SSC5D: variants seen among roughly 807,000 people sequenced by gnomAD.
The protein encoded by SSC5D is scavenger receptor cysteine rich family member with 5 domains, also known as soluble scavenger receptor cysteine-rich domain-containing protein SSC5D.
In SSC5D, 106 loss-of-function variants were observed where a neutral mutation model predicts 104.6. The observed-to-expected ratio is 1.01, with a 90% CI of 0.87 to 1.19. SSC5D has a LOEUF of 1.19. Ranked by LOEUF, SSC5D falls within the 50% of genes most tolerant of loss-of-function variation. The pLI is 0.00. For synonymous variants in SSC5D, 860 were observed against 883.5 expected, an observed-to-expected ratio of 0.97 and a Z score of 0.47; for missense variants, 1,993 against 2,153.8, an observed-to-expected ratio of 0.93 and a Z score of 1.48.
At chr19:55,497,462 A>G (rs1387586799) in intron 8 of SSC5D, among the ~76,000 whole-genome samples, 2 of 152,266 alleles carry the variant, frequency 1.3e-5, no homozygotes, top group Non-Finnish European at 2.9e-5. Context: ...AACCAGTTTA[A>G]GTATACAACT....
At chr19:55,501,913 C>A (rs1005587922) in intron 12 of SSC5D, among the ~76,000 whole-genome samples, 8 of 152,140 alleles carry the variant, frequency 5.3e-5, no homozygotes, top group East Asian at 1.9e-4. Context: ...TTATCCATTT[C>A]TCACCCTCAT....
Position 55,517,359 on chromosome 19 carries a change from G to T in SSC5D, c.3083G>T (p.Arg1028Leu), listed in dbSNP as rs1987895753. The change falls in exon 14 of 14, where the codon CGA (arginine) becomes CTA (leucine). Residue 1028 changes from arginine (R) to leucine (L), a missense_variant. By Grantham distance (102) the Arg-to-Leu change is moderately radical. Around this residue, in one of 6 missense-constraint regions of SSC5D, gnomAD observed 423 missense variants for 409.2 expected, o/e 1.03. Coordinates refer to ENST00000389623, the MANE Select transcript of SSC5D (RefSeq NM_001144950.2). Reference protein sequence around the residue: ...PGPALTSDSSRELTPHSALTS... With the variant: ...PGPALTSDSSLELTPHSALTS... Reference sequence around the variant, plus strand: ...CCAGCGCTGACCTCTGACTCCAGTCGAGAGCTCACTCCCCACTCAGCCTTG... The same window carrying T: ...CCAGCGCTGACCTCTGACTCCAGTCTAGAGCTCACTCCCCACTCAGCCTTG... 6.5e-7 allele frequency: 1 copy of T among 1,550,092 alleles called. No homozygotes were observed. The highest frequency in any genetic ancestry group is 1.2e-5 in the South Asian group (1 of 84,042).
In SSC5D at chr19:55,488,558, C is replaced by T. The variant is rs772515422; in HGVS notation, c.-32C>T. The stretch of plus-strand genomic sequence containing the variant: ...CTCTTCTCTCCCCGCTCTCCTTCCC[C>T]TTTCACCCCATCCCCTGCCCTGGCT... On this transcript the variant is annotated 5_prime_UTR_variant, in exon 1 of 14. Coordinates refer to ENST00000389623, the MANE Select transcript of SSC5D (RefSeq NM_001144950.2). 9.9e-5 allele frequency: 153 copies of T among 1,549,580 alleles called. 2 individuals carry two copies. In the African/African-American group the frequency reaches 2.0e-3, roughly 20 times the overall value.
chr19:55,501,925 A>G (rs1987515129), intron 12 of SSC5D, among the ~76,000 whole-genome samples: 1 of 151,316 alleles, frequency 6.6e-6, no homozygotes, highest in Admixed American at 6.6e-5. Flanking sequence ...CACCCTCATC[A>G]TCTCTATCTC....
chr19:55,503,966 G>A lies in SSC5D; in HGVS notation c.2785+2765G>A. ...TGATTGGCCAGCCGGCGCATCGCCC[G>A]CAGTAATAATAGCTGGGCGAAGGGC... On this transcript the variant is annotated intron_variant, in intron 12 of 13. Transcript: ENST00000389623. This position sits in a 1 kb window ranked among gnomAD's most constrained non-coding sequence, Gnocchi z 4.0. 2.8e-6 allele frequency: 2 copies of A among 720,048 alleles called. No homozygotes were observed. Among genetic ancestry groups the A allele is most frequent in the South Asian group, 4.3e-5 (2 of 46,234 alleles). The allele number at this position is 720,048 out of a possible 1,614,324, so 44.6% of individuals were successfully genotyped here.
At position 55,493,992 on chromosome 19, in the gene SSC5D, G is replaced by GGGGC. The variant is rs568555704; in HGVS notation, c.1213+82_1213+83insGCGG. On this transcript the variant is annotated intron_variant, in intron 7 of 13. Transcript: ENST00000389623. Reference sequence around the variant, plus strand: ...AGGGGCAAGTTCGGCGGGGGCGGGGGGGTCCCTACGCGCCCTTCCTGCCCT... The same window carrying GGGGC: ...AGGGGCAAGTTCGGCGGGGGCGGGGGGGGCGGTCCCTACGCGCCCTTCCTGCCCT... 1.2e-4 allele frequency: 34 copies of GGGGC among 284,114 alleles called. 4 individuals carry two copies. The highest frequency in any genetic ancestry group is 1.3e-4 in the East Asian group (1 of 7,410). The allele number at this position is 284,114 out of a possible 1,614,324, so 17.6% of individuals were successfully genotyped here.
chr19:55,493,933 G>C lies in SSC5D; in HGVS notation c.1213+21G>C, dbSNP rs931046077. 207 of 1,530,248 alleles carry C rather than the reference G, an allele frequency of 1.4e-4. 2 individuals carry two copies. In the Admixed American group the frequency reaches 3.7e-3, roughly 27 times the overall value. The allele number at this position is 1,530,248 out of a possible 1,614,324, so 94.8% of individuals were successfully genotyped here. A position where few individuals can be genotyped will look rare whatever the true frequency, so the allele number is the denominator to read the frequency against. On this transcript the variant is annotated intron_variant, in intron 7 of 13. Transcript: ENST00000389623. ...TGACGGTGAGGGGGTTGTGGTGGAG[G>C]ACCGGGAGGTGGGCGTGGTGGTGCT...
chr19:55,497,508 CACT>C (rs1204396287), intron 8 of SSC5D, among the ~76,000 whole-genome samples: 2 of 152,116 alleles, frequency 1.3e-5, no homozygotes, highest in African/African-American at 2.4e-5. Context: ...GCTGTACAAC[CACT>C]ACTATTTGGC....
chr19:55,512,965 C>A, intron 12 of SSC5D, 46 bp from the exon 13 acceptor site: 4 of 1,550,902 alleles, frequency 2.6e-6, no homozygotes, highest in African/African-American at 1.4e-5. Context: ...GAGTCAAACT[C>A]AAAGGGAAGT....
At chr19:55,514,640 G>A (rs1318066358) in intron 13 of SSC5D, among the ~76,000 whole-genome samples, 3 of 151,192 alleles carry the variant, frequency 2.0e-5, no homozygotes, top group Non-Finnish European at 4.4e-5. Context: ...AGGGAGGAAG[G>A]GAGAAAGGAG....
intron 12 of SSC5D, among the ~76,000 whole-genome samples, chr19:55,504,559 G>A (rs1187339766): frequency 6.6e-6 from 1 of 152,114 alleles, no homozygotes; most frequent in Non-Finnish European, 1.5e-5. Flanking sequence ...GGAGTGCAGT[G>A]GCGCTATCTC....
At chr19:55,511,979 G>A (rs1490451112) in intron 12 of SSC5D, among the ~76,000 whole-genome samples, 2 of 152,064 alleles carry the variant, frequency 1.3e-5, no homozygotes, top group East Asian at 3.9e-4. Flanking sequence ...CTTGTGAGTG[G>A]GTAAACCCCC....
chr19:55,504,828 C>G (rs1234305418), intron 12 of SSC5D, among the ~76,000 whole-genome samples: 1 of 151,962 alleles, frequency 6.6e-6, no homozygotes, highest in Non-Finnish European at 1.5e-5. Flanking sequence ...AAAAATGGGG[C>G]GCCAGGGTTG....
intron 8 of SSC5D, 54 bp from the exon 9 acceptor site, chr19:55,497,826 C>G (rs1250431490): frequency 4.1e-5 from 53 of 1,304,436 alleles, no homozygotes; most frequent in African/African-American, 6.4e-5. Context: ...GATGAAGAGT[C>G]AGGAGGCTGG....
chr19:55,518,322 T>C lies in SSC5D; in HGVS notation c.4046T>C (p.Leu1349Pro). 1 of 1,526,400 alleles carries C rather than the reference T, an allele frequency of 6.6e-7. No individual in the cohort carries two copies. Among genetic ancestry groups the C allele is most frequent in the Non-Finnish European group, 8.8e-7 (1 of 1,139,712 alleles). 94.6% of individuals were successfully genotyped at this position (1,526,400 alleles called of 1,614,324 possible). ...CTTCCAACCTCCTTGGGGACAGAAC[T>C]CTCCTCTCCCACTCTAGCACCAACA... ...VSLPTSLGTE[L>P]SSPTLAPTVK... Residue 1349 changes from leucine (L) to proline (P), a missense_variant, in exon 14 of 14, where the codon CTC becomes CCC. Transcript: ENST00000389623.
intron 13 of SSC5D, among the ~76,000 whole-genome samples, chr19:55,516,749 T>TAA (rs143424770): frequency 8.6e-5 from 13 of 151,622 alleles, no homozygotes; most frequent in Admixed American, 6.6e-4. Flanking sequence ...TCTTAAAAAA[T>TAA]AAAAAAATCC....
chr19:55,496,092 G>A (rs1987319238), intron 8 of SSC5D, among the ~76,000 whole-genome samples: 1 of 152,136 alleles, frequency 6.6e-6, no homozygotes, highest in South Asian at 2.1e-4. Context: ...GACAGGTTGA[G>A]CAGGCTTAGA....
chr19:55,507,482 T>C (rs1053163962), intron 12 of SSC5D, among the ~76,000 whole-genome samples: 1 of 148,710 alleles, frequency 6.7e-6, no homozygotes, highest in Non-Finnish European at 1.5e-5. Flanking sequence ...CTGGCCAACA[T>C]GGTGAAATCC....
At position 55,503,322 on chromosome 19, in the gene SSC5D, C is replaced by T. The variant is rs73059221; in HGVS notation, c.2785+2121C>T. The stretch of plus-strand genomic sequence containing the variant: ...TGCTTCTCACTCGATTTTTCACGGT[C>T]GGTTTTGCTATATCACCTCATACTC... On this transcript the variant is annotated intron_variant, in intron 12 of 13. Coordinates refer to ENST00000389623, the MANE Select transcript of SSC5D (RefSeq NM_001144950.2). The surrounding 1 kb of genome is among the most constrained non-coding windows in gnomAD (Gnocchi z 4.0). Among the ~76,000 whole-genome samples the T allele has an allele frequency of 0.066, 10,046 of 152,170 alleles. 483 individuals are homozygous for T. The highest frequency in any genetic ancestry group is 0.17 in the East Asian group (891 of 5,158).
Sources: allele counts gnomAD v4.1 joint callset (sites outside exome capture counted in the v4.1 genomes callset), GRCh38; gene constraint gnomAD v4.1.1; regional missense constraint gnomAD v4.1.1; non-coding constraint Gnocchi (gnomAD v3.1); transcripts MANE v1.5; gene names NCBI Gene and HGNC (gene_info 2026-07-23, HGNC 2026-07-21).